The following CACNA2D1 variants were observed in gnomAD, a reference collection of about 807,000 sequenced individuals.
CACNA2D1 encodes the protein calcium voltage-gated channel auxiliary subunit alpha2delta 1.
CACNA2D1 carries 53 observed loss-of-function variants against 171.5 expected under a neutral mutation model. That is an observed-to-expected ratio of 0.31 (90% CI 0.25 to 0.39). The LOEUF is 0.39. Among genes scored for constraint, CACNA2D1 ranks in the 10% least tolerant of loss-of-function variants. The probability of loss-of-function intolerance (pLI) is 1.00; values close to 1 mark genes in which losing one functional copy is unlikely to be tolerated. For missense variants in CACNA2D1, 903 were observed against 1,299.8 expected (o/e 0.69, Z 4.69); for synonymous variants, 442 against 443.1 (o/e 1.00, Z 0.03).
chr7:82,195,669 A>G (rs1798778253), intron 3 of CACNA2D1, among the ~76,000 whole-genome samples: 1 of 149,512 alleles, frequency 6.7e-6, no homozygotes, highest in Non-Finnish European at 1.5e-5. Flanking sequence ...TTAAAAAAAA[A>G]AAAACCCTCT....
chr7:82,390,695 T>C (rs1022648118), intron 1 of CACNA2D1, among the ~76,000 whole-genome samples: 2 of 152,138 alleles, frequency 1.3e-5, no homozygotes, highest in African/African-American at 4.8e-5. Context: ...TCATGTGATA[T>C]ATTTTTTCCT....
intron 3 of CACNA2D1, among the ~76,000 whole-genome samples, chr7:82,237,547 A>C (rs1585184868): frequency 6.6e-6 from 1 of 152,082 alleles, no homozygotes; most frequent in East Asian, 1.9e-4. Flanking sequence ...TTTTATAATC[A>C]AATTATGGGC....
chr7:82,438,447 G>T (rs1456535908), intron 1 of CACNA2D1, among the ~76,000 whole-genome samples: 1 of 152,138 alleles, frequency 6.6e-6, no homozygotes, highest in African/African-American at 2.4e-5. Context: ...TCAAGGAAAA[G>T]GTAGTAACAT....
intron 1 of CACNA2D1, among the ~76,000 whole-genome samples, chr7:82,416,532 C>A (rs965682371): frequency 6.6e-6 from 1 of 152,118 alleles, no homozygotes; most frequent in Non-Finnish European, 1.5e-5. Flanking sequence ...CAGGGAAGAT[C>A]TGTTCAAGTT....
At chr7:81,971,941 C>T in intron 25 of CACNA2D1, 77 bp from the exon 26 acceptor site, 1 of 931,630 alleles carries the variant, frequency 1.1e-6, no homozygotes, top group Admixed American at 1.8e-5. Flanking sequence ...TTTTCTATTT[C>T]CAAAAGCAAT....
At chr7:82,394,175 CA>C (rs1825521275) in intron 1 of CACNA2D1, among the ~76,000 whole-genome samples, 1 of 152,018 alleles carries the variant, frequency 6.6e-6, no homozygotes, top group Admixed American at 6.6e-5. Context: ...AGGAGGGCTC[CA>C]AAAGACACAT....
chr7:82,004,322 A>C (rs1798908083), intron 18 of CACNA2D1, among the ~76,000 whole-genome samples: 1 of 152,100 alleles, frequency 6.6e-6, no homozygotes, highest in Non-Finnish European at 1.5e-5. Flanking sequence ...AACACATTTA[A>C]ACATAACTAG....
In CACNA2D1 at chr7:82,005,415, A is replaced by G; in HGVS notation, c.1590+8T>C. On this transcript the variant is annotated splice_region_variant and intron_variant, in intron 18 of 38. Coordinates refer to ENST00000356860, the MANE Select transcript of CACNA2D1 (RefSeq NM_000722.4). Reference sequence around the variant, plus strand: ...ACACTAATCACTGTAAACAAATTATATACTGACCTTTGGCTGAAGATTTGG... The same window carrying G: ...ACACTAATCACTGTAAACAAATTATGTACTGACCTTTGGCTGAAGATTTGG... 6.6e-7 allele frequency: 1 copy of G among 1,519,708 alleles called. No individual in the cohort carries two copies. The highest frequency in any genetic ancestry group is 9.1e-7 in the Non-Finnish European group (1 of 1,100,582). 94.1% of individuals were successfully genotyped at this position (1,519,708 alleles called of 1,614,324 possible).
At chr7:82,062,691 T>C (rs1253861124) in intron 9 of CACNA2D1, among the ~76,000 whole-genome samples, 8 of 150,822 alleles carry the variant, frequency 5.3e-5, no homozygotes, top group Non-Finnish European at 1.2e-4. Flanking sequence ...GTTGGTGTGT[T>C]GCACCCAGTA....
At chr7:82,168,548 G>C (rs571412829) in intron 4 of CACNA2D1, among the ~76,000 whole-genome samples, 8 of 152,184 alleles carry the variant, frequency 5.3e-5, no homozygotes, top group African/African-American at 1.9e-4. Flanking sequence ...CTTGAATTTA[G>C]AGTTTTTGTA....
chr7:81,999,130 A>G (rs1464218574), intron 18 of CACNA2D1, among the ~76,000 whole-genome samples: 1 of 152,192 alleles, frequency 6.6e-6, no homozygotes, highest in African/African-American at 2.4e-5. Flanking sequence ...TGCATGGAGG[A>G]GGCATTATCA....
At chr7:82,381,313 CAAAAAAAAAA>C (rs11307965) in intron 1 of CACNA2D1, among the ~76,000 whole-genome samples, 1 of 74,622 alleles carries the variant, frequency 1.3e-5, no homozygotes, top group Non-Finnish European at 2.8e-5. Flanking sequence ...GACTCTGTCT[CAAAAAAAAAA>C]AAAAAAAAAA....
At chr7:82,159,284 T>C (rs1441955458) in intron 4 of CACNA2D1, among the ~76,000 whole-genome samples, 1 of 151,910 alleles carries the variant, frequency 6.6e-6, no homozygotes, top group Non-Finnish European at 1.5e-5. Flanking sequence ...AAACCATGAC[T>C]TAATCCTTTT....
chr7:82,090,455 AAATGTTT>A, intron 6 of CACNA2D1, among the ~76,000 whole-genome samples: 1 of 152,096 alleles, frequency 6.6e-6, no homozygotes, highest in Non-Finnish European at 1.5e-5. Context: ...GAACAAGCAA[AAATGTTT>A]ACCATTTCAT....
At chr7:82,136,184 G>A (rs1791576160) in intron 5 of CACNA2D1, among the ~76,000 whole-genome samples, 1 of 152,148 alleles carries the variant, frequency 6.6e-6, no homozygotes, top group African/African-American at 2.4e-5. Flanking sequence ...TACAAGCAGG[G>A]CAGGTTGTTG....
chr7:82,114,613 G>T (rs903566505), intron 6 of CACNA2D1, among the ~76,000 whole-genome samples: 1 of 151,912 alleles, frequency 6.6e-6, no homozygotes, highest in African/African-American at 2.4e-5. Flanking sequence ...AAAATTAGCC[G>T]GGCATGGTGG....
At chr7:82,216,891 CAAAAAAA>C (rs56161307) in intron 3 of CACNA2D1, among the ~76,000 whole-genome samples, 105 of 130,320 alleles carry the variant, frequency 8.1e-4, no homozygotes, top group African/African-American at 2.7e-3. Context: ...AGCCTAAATC[CAAAAAAA>C]AAAAAAAAAA....
At chr7:82,056,363 T>G (rs905788150) in intron 10 of CACNA2D1, among the ~76,000 whole-genome samples, 13 of 152,152 alleles carry the variant, frequency 8.5e-5, no homozygotes, top group Non-Finnish European at 8.8e-5. Context: ...GATGGACCTA[T>G]GGAGGTAGGC....
intron 3 of CACNA2D1, among the ~76,000 whole-genome samples, chr7:82,292,786 A>C (rs1811810907): frequency 6.6e-6 from 1 of 152,114 alleles, no homozygotes; most frequent in South Asian, 2.1e-4. Flanking sequence ...CAAGTCCATT[A>C]GTTATGGGAA....
Sources: gnomAD v4.1 joint callset for allele counts (sites outside exome capture counted in the v4.1 genomes callset) on GRCh38, gnomAD v4.1.1 for gene constraint, MANE v1.5 for transcripts, NCBI Gene and HGNC (gene_info 2026-07-23, HGNC 2026-07-21) for gene names.